The following METTL17 variants were observed in gnomAD, a reference collection of about 807,000 sequenced individuals.
METTL17 encodes the protein ribosome assembly protein METTL17, mitochondrial.
A neutral mutation model predicts 59.4 loss-of-function variants in METTL17; 49 were observed. The ratio of observed to expected loss-of-function variants is 0.82; its 90% CI spans 0.66 to 1.05. The LOEUF (loss-of-function observed/expected upper bound fraction) is 1.05, where lower values mean the gene tolerates loss of function less well. Among genes scored for constraint, METTL17 ranks in the 50% least tolerant of loss-of-function variants. The pLI, the probability that METTL17 is intolerant of heterozygous loss-of-function variation, is 0.00. For missense variants in METTL17, 555 were observed against 578.4 expected, an observed-to-expected ratio of 0.96 and a Z score of 0.41; for synonymous variants, 208 against 209.2, an observed-to-expected ratio of 0.99 and a Z score of 0.05.
At chr14:20,992,406 G>T in intron 4 of METTL17, 135 bp from the exon 5 acceptor site, 1 of 782,666 alleles carries the variant, frequency 1.3e-6, no homozygotes, top group Non-Finnish European at 2.1e-6. Flanking sequence ...AGTCTCCCCA[G>T]GACCCTTTTG....
intron 6 of METTL17, chr14:20,993,664 G>T: frequency 4.5e-6 from 1 of 223,056 alleles, no homozygotes; most frequent in Non-Finnish European, 8.9e-6. Flanking sequence ...TAGTAGAGAC[G>T]GGGTTTCACC....
chr14:20,996,576 G>T lies in METTL17; in HGVS notation c.1130G>T (p.Gly377Val), dbSNP rs752596208. 2 of 1,614,130 alleles carry T rather than the reference G, an allele frequency of 1.2e-6. No homozygotes were observed. The highest frequency in any genetic ancestry group is 1.6e-4 in the Middle Eastern group (1 of 6,062). The change falls in exon 13 of 14, where the codon GGG becomes GTG. Residue 377 changes from glycine to valine, a missense_variant. Coordinates refer to ENST00000339374, the MANE Select transcript of METTL17 (RefSeq NM_022734.3). ...TTCTCTATGGTGATCCTTGCTCGGG[G>T]GTCTCCAGAGGAGGCTCATCGCTGG... is the stretch of plus-strand genomic sequence containing the variant. ...EKFSMVILAR[G>V]SPEEAHRWPR...
intron 9 of METTL17, 68 bp downstream of exon 9, chr14:20,994,969 C>G (rs1319429180): frequency 7.5e-7 from 1 of 1,328,992 alleles, no homozygotes; most frequent in Non-Finnish European, 1.1e-6. Context: ...CTTTGCTCCT[C>G]TCATTGTCTT....
At chr14:20,991,576 G>C (rs1305711241) in intron 3 of METTL17, among the ~76,000 whole-genome samples, 2 of 151,928 alleles carry the variant, frequency 1.3e-5, no homozygotes, top group Non-Finnish European at 2.9e-5. Flanking sequence ...TGTTGCCCAG[G>C]CTATAGTGCA....
rs1366855409 is a variant in METTL17 at position 20,990,562 on chromosome 14, G to T, written c.328G>T (p.Ala110Ser). 6.2e-7 allele frequency: 1 copy of T among 1,614,220 alleles called. No homozygotes were observed. Among genetic ancestry groups the T allele is most frequent in the East Asian group, 2.2e-5 (1 of 44,882 alleles). Residue 110 changes from alanine (A) to serine (S), a missense_variant, in exon 3 of 14, where the codon GCT becomes TCT. Coordinates refer to ENST00000339374, the MANE Select transcript of METTL17 (RefSeq NM_022734.3). Reference sequence around the variant, plus strand: ...AGAGCCAGAGGAGTTGCAAAGACGGGCTAGGCATCTTGAGAAAAAATTCCT... The same window carrying T: ...AGAGCCAGAGGAGTTGCAAAGACGGTCTAGGCATCTTGAGAAAAAATTCCT... Reference protein sequence around the residue: ...PVEPEELQRRARHLEKKFLEN... With the variant: ...PVEPEELQRRSRHLEKKFLEN...
At chr14:20,994,513 A>T (rs756992699) in intron 7 of METTL17, 30 bp from the exon 8 acceptor site, 3 of 1,590,064 alleles carry the variant, frequency 1.9e-6, no homozygotes, top group Admixed American at 3.3e-5. Flanking sequence ...CTTCCTACAC[A>T]CTCACAGTTG....
chr14:20,990,663 A>ACGCCTGT, intron 3 of METTL17, 65 bp downstream of exon 3: 4 of 1,581,448 alleles, frequency 2.5e-6, no homozygotes, highest in Non-Finnish European at 3.4e-6. Flanking sequence ...GAAGAGTAAG[A>ACGCCTGT]AATAATTCTA....
At chr14:20,993,597 C>T (rs558086690) in intron 6 of METTL17, 82 of 222,830 alleles carry the variant, frequency 3.7e-4, no homozygotes, top group African/African-American at 1.9e-3. Context: ...GCCTCACCCT[C>T]CCGAGTAGCT....
intron 3 of METTL17, among the ~76,000 whole-genome samples, chr14:20,990,893 C>G (rs1356230479): frequency 6.6e-6 from 1 of 152,038 alleles, no homozygotes; most frequent in Non-Finnish European, 1.5e-5. Context: ...GTGTAATGCT[C>G]GATCTCGGCT....
intron 10 of METTL17, 161 bp from the exon 11 acceptor site, chr14:20,995,740 G>C (rs1196422071): frequency 4.9e-6 from 3 of 616,328 alleles, no homozygotes; most frequent in African/African-American, 1.8e-5. Context: ...AAAGTTCTTT[G>C]TTTGGAGTAT....
intron 6 of METTL17, chr14:20,993,717 C>T (rs760868747): frequency 2.2e-5 from 6 of 274,856 alleles, no homozygotes; most frequent in Non-Finnish European, 2.7e-5. Flanking sequence ...TTGTGATCCG[C>T]CCACCTTGGC....
Position 20,995,355 on chromosome 14 carries a change from G to A in METTL17, c.945+122G>A, listed in dbSNP as rs1411333471. 4.7e-6 allele frequency: 4 copies of A among 854,910 alleles called. No individual in the cohort carries two copies. The Admixed American group carries it at 8.1e-5, about 17-fold the overall frequency. The allele number at this position is 854,910 out of a possible 1,614,324, so 53.0% of individuals were successfully genotyped here. A position where few individuals can be genotyped will look rare whatever the true frequency, so the allele number is the denominator to read the frequency against. Reference sequence around the variant, plus strand: ...GCTCTCAGGAAACTGGGCGTATGAAGTCATTATGATACAGAGCAGTGGTTG... The same window carrying A: ...GCTCTCAGGAAACTGGGCGTATGAAATCATTATGATACAGAGCAGTGGTTG... On this transcript the variant is annotated intron_variant, in intron 10 of 13. Coordinates refer to ENST00000339374, the MANE Select transcript of METTL17 (RefSeq NM_022734.3).
chr14:20,994,999 C>A, intron 9 of METTL17, 98 bp downstream of exon 9: 1 of 1,194,372 alleles, frequency 8.4e-7, no homozygotes, highest in South Asian at 1.4e-5. Flanking sequence ...CCATTTTTCT[C>A]CTTCATGGGT....
intron 7 of METTL17, among the ~76,000 whole-genome samples, 192 bp from the exon 8 acceptor site, chr14:20,994,351 C>A (rs1273798855): frequency 6.6e-6 from 1 of 151,520 alleles, no homozygotes; most frequent in Admixed American, 6.6e-5. Context: ...AAACTCCTGG[C>A]CTCAAGCCAT....
At chr14:20,993,677 A>G (rs2783802) in intron 6 of METTL17, 114,342 of 227,934 alleles carry the variant, frequency 0.5, 30,866 homozygotes, top group East Asian at 0.66. Context: ...GTTTCACCAT[A>G]TTGGCCAGGC....
chr14:20,992,374 G>T, intron 4 of METTL17, 167 bp from the exon 5 acceptor site: 1 of 735,178 alleles, frequency 1.4e-6, no homozygotes, highest in Non-Finnish European at 2.3e-6. Context: ...GAACACTGAA[G>T]TTTGAAAATT....
chr14:20,992,446 G>C (rs1031744895), intron 4 of METTL17, 95 bp from the exon 5 acceptor site: 2 of 1,041,316 alleles, frequency 1.9e-6, no homozygotes, highest in Admixed American at 3.6e-5. Context: ...TGAGCTGGAA[G>C]AGCCCTTTCC....
In METTL17 at chr14:20,993,324, T is replaced by A. The variant is rs1165914847; in HGVS notation, c.602+133T>A. On this transcript the variant is annotated intron_variant, in intron 6 of 13. Coordinates refer to ENST00000339374, the MANE Select transcript of METTL17 (RefSeq NM_022734.3). Reference sequence around the variant, plus strand: ...TTGGGAATCTATAATGTTTCTTCCATCAGATTAGGCAAGGCAGAAGAAGGT... The same window carrying A: ...TTGGGAATCTATAATGTTTCTTCCAACAGATTAGGCAAGGCAGAAGAAGGT... 3 of 757,532 alleles carry A rather than the reference T, an allele frequency of 4.0e-6. No homozygotes were observed. In the Admixed American group the frequency reaches 6.4e-5, roughly 16 times the overall value. 46.9% of individuals were successfully genotyped at this position (757,532 alleles called of 1,614,324 possible). A position where few individuals can be genotyped will look rare whatever the true frequency, so the allele number is the denominator to read the frequency against.
chr14:20,995,537 A>G (rs55766750), intron 10 of METTL17, among the ~76,000 whole-genome samples: 1,878 of 152,328 alleles, frequency 0.012, 15 homozygotes, highest in Middle Eastern at 0.024. Context: ...CTGGCCCTTT[A>G]AAAGAAACTT....
Sources: gnomAD v4.1 joint callset for allele counts (sites outside exome capture counted in the v4.1 genomes callset) on GRCh38, gnomAD v4.1.1 for gene constraint, MANE v1.5 for transcripts, NCBI Gene and HGNC (gene_info 2026-07-23, HGNC 2026-07-21) for gene names.